The following DSE variants were observed in gnomAD, a reference collection of about 807,000 sequenced individuals.
The protein encoded by DSE is dermatan-sulfate epimerase.
Under a neutral mutation model 84.4 loss-of-function variants are expected in DSE, and 36 were observed. The ratio of observed to expected loss-of-function variants is 0.43; its 90% CI spans 0.33 to 0.56. The LOEUF (loss-of-function observed/expected upper bound fraction) is 0.56. DSE is among the 20% of genes least tolerant of loss of function. The probability of loss-of-function intolerance (pLI) is 0.06; values close to 1 mark genes in which losing one functional copy is unlikely to be tolerated. For synonymous variants in DSE, 410 were observed against 430.1 expected, an observed-to-expected ratio of 0.95 and a Z score of 0.58; for missense variants, 862 against 1,169.6, an observed-to-expected ratio of 0.74 and a Z score of 3.84.
chr6:116,322,459 C>T lies in DSE; in HGVS notation c.-54+63492C>T, dbSNP rs372696994. On this transcript the variant is annotated intron_variant, in intron 2 of 3. Transcript: ENST00000430252. The stretch of plus-strand genomic sequence containing the variant: ...TGGATGTTCCCAAAGGTCTGTAGGC[C>T]TCAGCCAGCCTCCCAGAGGGAGCAG... Among the ~76,000 whole-genome samples, 7 of 152,120 alleles carry T rather than the reference C, an allele frequency of 4.6e-5. No homozygotes were observed. In the South Asian group the frequency reaches 8.3e-4, roughly 18 times the overall value.
At chr6:116,361,836 CT>C (rs1778910067) in intron 2 of DSE, among the ~76,000 whole-genome samples, 1 of 152,118 alleles carries the variant, frequency 6.6e-6, no homozygotes, top group Non-Finnish European at 1.5e-5. Context: ...CAAAAAGTTC[CT>C]GTTTAATGCA....
intron 2 of DSE, among the ~76,000 whole-genome samples, chr6:116,346,138 AC>A (rs1395259086): frequency 1.3e-5 from 2 of 152,192 alleles, no homozygotes; most frequent in Non-Finnish European, 2.9e-5. Context: ...TAGCCTACCA[AC>A]CAAAAAAAGT....
At chr6:116,298,838 C>T (rs550372547) in intron 2 of DSE, among the ~76,000 whole-genome samples, 3 of 152,138 alleles carry the variant, frequency 2.0e-5, no homozygotes, top group East Asian at 3.9e-4. Context: ...ACATGGAAAA[C>T]GGAGCCATCC....
At position 116,433,570 on chromosome 6, in the gene DSE, C is replaced by A; in HGVS notation, c.1118+20C>A. ...TCTCTGGTATGACACATTGGGCTAG[C>A]TTTAAAGAGAAATGGTACCCAAGGG... On this transcript the variant is annotated intron_variant, in intron 5 of 5. Coordinates refer to ENST00000644252, the MANE Select transcript of DSE (RefSeq NM_013352.4). The A allele has an allele frequency of 6.3e-7, 1 of 1,585,248 alleles. No homozygotes were observed. The highest frequency in any genetic ancestry group is 1.2e-5 in the South Asian group (1 of 86,890).
At chr6:116,412,699 T>C (rs140527297) in intron 2 of DSE, 2 of 152,346 alleles carry the variant, frequency 1.3e-5, no homozygotes, top group South Asian at 2.1e-4. Flanking sequence ...TTACACTGTT[T>C]ATTTTTATTT....
intron 1 of DSE, among the ~76,000 whole-genome samples, chr6:116,388,054 T>A (rs1228115050): frequency 2.0e-5 from 3 of 152,128 alleles, no homozygotes; most frequent in Non-Finnish European, 4.4e-5. Context: ...AACCAGTAGA[T>A]CCATGTCTAC....
At chr6:116,370,912 G>T, upstream of DSE, 1 of 985,294 alleles carries the variant, frequency 1.0e-6, no homozygotes, top group Non-Finnish European at 1.2e-6. Flanking sequence ...CGCCCCTTTC[G>T]CCCACACCTA....
At chr6:116,409,171 T>C (rs184675269) in intron 2 of DSE, among the ~76,000 whole-genome samples, 118 of 152,408 alleles carry the variant, frequency 7.7e-4, no homozygotes, top group Non-Finnish European at 1.4e-3. Flanking sequence ...TCTTTATTAC[T>C]TCACTTATAT....
chr6:116,279,500 C>T (rs756488140), intron 2 of DSE: 2 of 1,610,864 alleles, frequency 1.2e-6, no homozygotes, highest in South Asian at 2.2e-5. Context: ...ACCACAGAAG[C>T]GGCTGCCAGG....
chr6:116,309,467 A>G (rs1404934513), intron 2 of DSE, among the ~76,000 whole-genome samples: 2 of 152,224 alleles, frequency 1.3e-5, no homozygotes, highest in East Asian at 1.9e-4. Flanking sequence ...GGATGAGGAT[A>G]GTATTTATGT....
At chr6:116,279,730 A>T (rs542279387) in intron 2 of DSE, 1 of 1,611,638 alleles carries the variant, frequency 6.2e-7, no homozygotes, top group South Asian at 1.1e-5. Flanking sequence ...GCGGAGCCTC[A>T]GGTACTGGTG....
At chr6:116,254,506 A>G (rs1327916364) in intron 1 of DSE, 5 of 255,122 alleles carry the variant, frequency 2.0e-5, no homozygotes, top group Non-Finnish European at 4.0e-5. Context: ...AAGAATTTAA[A>G]TGAGCAGAGT....
intron 2 of DSE, among the ~76,000 whole-genome samples, chr6:116,417,622 TC>T (rs1224096833): frequency 3.5e-4 from 54 of 152,256 alleles, no homozygotes; most frequent in African/African-American, 1.3e-3. Context: ...CTATATTAAA[TC>T]CAGTGATTTA....
chr6:116,390,548 A>G (rs1350824185), intron 1 of DSE, among the ~76,000 whole-genome samples: 3 of 152,214 alleles, frequency 2.0e-5, no homozygotes, highest in Non-Finnish European at 2.9e-5. Flanking sequence ...AATACACTTA[A>G]TTATGCTCAA....
At chr6:116,254,236 TTCGTCAG>T in exon 1 of DSE, 1 of 702,720 alleles carries the variant, frequency 1.4e-6, no homozygotes, top group South Asian at 1.5e-5. Flanking sequence ...CAAAAAGAAT[TTCGTCAG>T]TCTGGAAGGG....
At chr6:116,295,629 A>T (rs1774615082) in intron 2 of DSE, among the ~76,000 whole-genome samples, 1 of 152,202 alleles carries the variant, frequency 6.6e-6, no homozygotes, top group Admixed American at 6.5e-5. Flanking sequence ...TGTCTCCTGG[A>T]AATTGACTGA....
chr6:116,354,834 TTTTTATAATAAAATAGTGACAGG>T (rs1274689580), intron 2 of DSE, among the ~76,000 whole-genome samples: 3 of 152,318 alleles, frequency 2.0e-5, no homozygotes, highest in African/African-American at 4.8e-5. Flanking sequence ...TTTACATTAC[TTTTTATAATAAAATAGTGACAGG>T]TTTTATAATA....
At chr6:116,316,280 G>A (rs1775974343) in intron 2 of DSE, among the ~76,000 whole-genome samples, 1 of 152,042 alleles carries the variant, frequency 6.6e-6, no homozygotes, top group Non-Finnish European at 1.5e-5. Context: ...ATTCATGGTT[G>A]GGTTTATGGT....
intron 2 of DSE, among the ~76,000 whole-genome samples, chr6:116,354,441 G>A (rs569102750): frequency 7.9e-5 from 12 of 152,160 alleles, no homozygotes; most frequent in Admixed American, 2.0e-4. Context: ...TTATTTTAAG[G>A]GAGAGTGGGT....
Sources: allele counts gnomAD v4.1 joint callset (sites outside exome capture counted in the v4.1 genomes callset), GRCh38; gene constraint gnomAD v4.1.1; transcripts MANE v1.5; gene names NCBI Gene and HGNC (gene_info 2026-07-23, HGNC 2026-07-21).